The following ABCA6 variants were observed in gnomAD, a reference collection of about 807,000 sequenced individuals.
The protein encoded by ABCA6 is ATP-binding cassette sub-family A member 6.
In ABCA6, 164 loss-of-function variants were observed where a neutral mutation model predicts 191.2. The ratio of observed to expected loss-of-function variants is 0.86; its 90% CI spans 0.76 to 0.98. ABCA6 has a LOEUF of 0.98. Among genes scored for constraint, ABCA6 ranks in the 50% least tolerant of loss-of-function variants. ABCA6 has a pLI of 0.00. For synonymous variants in ABCA6, 636 were observed against 647.7 expected (o/e 0.98, Z 0.27); for missense variants, 1,958 against 1,894.1 (o/e 1.03, Z -0.63).
At chr17:69,092,850 T>C (rs1302825746) in intron 25 of ABCA6, among the ~76,000 whole-genome samples, 3 of 152,248 alleles carry the variant, frequency 2.0e-5, no homozygotes, top group African/African-American at 7.2e-5. Context: ...ATCGTTTAAG[T>C]TGATACTAGC....
intron 8 of ABCA6, among the ~76,000 whole-genome samples, chr17:69,128,027 A>G (rs2073784810): frequency 6.6e-6 from 1 of 152,120 alleles, no homozygotes; most frequent in Non-Finnish European, 1.5e-5. Flanking sequence ...CATCACTCCT[A>G]TGAAGTTTAA....
intron 14 of ABCA6, 36 bp downstream of exon 14, chr17:69,113,582 C>T (rs1390973155): frequency 3.7e-6 from 6 of 1,612,234 alleles, no homozygotes; most frequent in Non-Finnish European, 5.1e-6. Context: ...TGCAGACATT[C>T]GACCTGCTTC....
intron 15 of ABCA6, 69 bp downstream of exon 15, chr17:69,113,153 T>A (rs2073463309): frequency 6.5e-7 from 1 of 1,529,416 alleles, no homozygotes; most frequent in African/African-American, 1.4e-5. Context: ...GCTCTTACCC[T>A]GGGAATAGAC....
chr17:69,087,723 C>T (rs1475536603), intron 28 of ABCA6: 1 of 493,696 alleles, frequency 2.0e-6, no homozygotes, highest in Non-Finnish European at 3.6e-6. Context: ...GCAGGTACTG[C>T]TCCTTTCTCT....
At chr17:69,114,698 C>T in intron 13 of ABCA6, 64 bp downstream of exon 13, 1 of 1,435,220 alleles carries the variant, frequency 7.0e-7, no homozygotes, top group South Asian at 1.4e-5. Context: ...GAAGAGAATT[C>T]TGTGGTCATG....
Position 69,110,852 on chromosome 17 carries a change from T to G in ABCA6, c.2221A>C (p.Lys741Gln), listed in dbSNP as rs2073408119. The G allele has an allele frequency of 6.2e-7, 1 of 1,611,930 alleles. No homozygotes were observed. Among genetic ancestry groups the G allele is most frequent in the African/African-American group, 1.3e-5 (1 of 74,868 alleles). Residue 741 changes from lysine (K) to glutamine (Q), a missense_variant, in exon 17 of 39, where the codon AAA (lysine) becomes CAA (glutamine). Physicochemically the swap from Lys to Gln is moderately conservative, Grantham distance 53. Transcript: ENST00000284425. ...GGCAAAGTATATACAAGCTTTTCTT[T>G]GTTTTCTGTTTTTAATTTAGCATCG... Reference protein sequence around the residue: ...IPDAKLKTENKEKLVYTLPLE... With the variant: ...IPDAKLKTENQEKLVYTLPLE...
intron 6 of ABCA6, among the ~76,000 whole-genome samples, chr17:69,132,810 T>A (rs2144714317): frequency 6.6e-6 from 1 of 152,294 alleles, no homozygotes; most frequent in Non-Finnish European, 1.5e-5. Flanking sequence ...CTACTCCTAA[T>A]TATTTGTCTT....
chr17:69,115,343 C>A (rs776345830), intron 12 of ABCA6, 33 bp downstream of exon 12: 1 of 1,507,650 alleles, frequency 6.6e-7, no homozygotes, highest in South Asian at 1.2e-5. Context: ...TATTATAAGA[C>A]ATCTTGCCTT....
In ABCA6 at chr17:69,105,492, G is replaced by A. The variant is rs200209682; in HGVS notation, c.2710C>T (p.Arg904Cys). 37 of 1,609,386 alleles carry A rather than the reference G, an allele frequency of 2.3e-5. No individual in the cohort carries two copies. The highest frequency in any genetic ancestry group is 1.3e-4 in the Admixed American group (8 of 59,384). ...TTATTGATGATCAACAGGCTGGTACGGGGTTCCTGGGGAAGTTGTCCAGGA... is the reference window on the plus strand; with the variant it reads ...TTATTGATGATCAACAGGCTGGTACAGGGTTCCTGGGGAAGTTGTCCAGGA... Reference protein sequence around the residue: ...LSPGQLPQEPRTSLLIINNTE... With the variant: ...LSPGQLPQEPCTSLLIINNTE... The change falls in exon 20 of 39, where the codon CGT becomes TGT. Residue 904 changes from arginine to cysteine, a missense_variant. Physicochemically the swap from Arg to Cys is radical, Grantham distance 180. Transcript: ENST00000284425.
chr17:69,086,525 A>C, intron 30 of ABCA6, 93 bp downstream of exon 30: 1 of 493,124 alleles, frequency 2.0e-6, no homozygotes, highest in Non-Finnish European at 3.5e-6. Context: ...TAAATGAATG[A>C]ATGCTTCAGC....
intron 8 of ABCA6, among the ~76,000 whole-genome samples, chr17:69,125,921 G>T (rs1231984119): frequency 6.6e-6 from 1 of 152,056 alleles, no homozygotes. Flanking sequence ...AAACTAAGAT[G>T]AATCTTCCTT....
Position 69,123,220 on chromosome 17 carries a change from TACTTATA to T in ABCA6, c.1436+12_1436+18del. 7.2e-7 allele frequency: 1 copy of T among 1,388,214 alleles called. No individual in the cohort carries two copies. The highest frequency in any genetic ancestry group is 9.5e-7 in the Non-Finnish European group (1 of 1,054,420). 86.0% of individuals were successfully genotyped at this position (1,388,214 alleles called of 1,614,324 possible). A position where few individuals can be genotyped will look rare whatever the true frequency, so the allele number is the denominator to read the frequency against. On this transcript the variant is annotated intron_variant, in intron 10 of 38. Transcript: ENST00000284425. Reference sequence around the variant, plus strand: ...CAGCCTTGTGCTCATGCATTAGTATTACTTATAAGTGTGATTACCTGATGGCTTCTTT... The same window carrying T: ...CAGCCTTGTGCTCATGCATTAGTATTAGTGTGATTACCTGATGGCTTCTTT...
At position 69,137,295 on chromosome 17, in the gene ABCA6, C is replaced by G. The variant is rs1391254964; in HGVS notation, c.301+1G>C. 1 of 1,611,478 alleles carries G rather than the reference C, an allele frequency of 6.2e-7. No individual in the cohort carries two copies. The highest frequency in any genetic ancestry group is 8.5e-7 in the Non-Finnish European group (1 of 1,179,210). On this transcript the variant is annotated splice_donor_variant, in intron 3 of 38. Transcript: ENST00000284425. LOFTEE classifies it high-confidence loss of function. ...TCTTTTTTTGCCATGAGTACACCTA[C>G]CTTTCAAAAGAGGAGCAAGTGCTGT...
chr17:69,096,093 C>G (rs1283459199), intron 25 of ABCA6, 147 bp downstream of exon 25: 5 of 347,264 alleles, frequency 1.4e-5, no homozygotes, highest in African/African-American at 4.2e-5. Context: ...GATTCAGTAA[C>G]AGTGTTACAC....
At chr17:69,105,361 C>G in intron 20 of ABCA6, 101 bp downstream of exon 20, 1 of 1,133,112 alleles carries the variant, frequency 8.8e-7, no homozygotes. Flanking sequence ...GTTTAAATAC[C>G]CATTTTCTTC....
chr17:69,094,193 G>A (rs575984386), intron 25 of ABCA6: 1 of 152,326 alleles, frequency 6.6e-6, no homozygotes, highest in East Asian at 1.9e-4. Context: ...ACAAGCCTAA[G>A]AAGTGGTTCT....
At chr17:69,086,144 C>T (rs1011748412) in intron 30 of ABCA6, among the ~76,000 whole-genome samples, 3 of 152,114 alleles carry the variant, frequency 2.0e-5, no homozygotes, top group East Asian at 3.9e-4. Context: ...CTTGTCCCCC[C>T]CAACCCAAAC....
chr17:69,096,432 A>G, intron 24 of ABCA6, 79 bp from the exon 25 acceptor site: 1 of 904,728 alleles, frequency 1.1e-6, no homozygotes, highest in Non-Finnish European at 1.6e-6. Context: ...CTTTTAAAAA[A>G]CAAGTAACCT....
intron 32 of ABCA6, among the ~76,000 whole-genome samples, chr17:69,084,759 G>GT (rs1010517020): frequency 6.6e-6 from 1 of 151,886 alleles, no homozygotes; most frequent in African/African-American, 2.4e-5. Context: ...TCATTTCCAG[G>GT]TTTTTTAAAT....
Sources: allele counts gnomAD v4.1 joint callset (sites outside exome capture counted in the v4.1 genomes callset), GRCh38; gene constraint gnomAD v4.1.1; transcripts MANE v1.5; gene names NCBI Gene and HGNC (gene_info 2026-07-23, HGNC 2026-07-21).